GIMAP1: variants seen among roughly 807,000 people sequenced by gnomAD.
GIMAP1 encodes GTPase, IMAP family member 1.
For synonymous variants in GIMAP1, 230 were observed against 187.7 expected, an observed-to-expected ratio of 1.23 and a Z score of -1.84; for missense variants, 423 against 411.9, an observed-to-expected ratio of 1.03 and a Z score of -0.23.
chr7:150,723,981 T>C lies in GIMAP1; in HGVS notation c.*3056T>C, dbSNP rs1797344448. The C allele has an allele frequency of 6.6e-6, 1 of 152,196 alleles. No individual in the cohort carries two copies. Among genetic ancestry groups the C allele is most frequent in the Non-Finnish European group, 1.5e-5 (1 of 68,036 alleles). 9.4% of individuals were successfully genotyped at this position (152,196 alleles called of 1,614,324 possible). Reference sequence around the variant, plus strand: ...GCTAGTGTTGGCCATGATGAACTTTTAGAGCAAAAGATTTCAGGCAGAGTA... The same window carrying C: ...GCTAGTGTTGGCCATGATGAACTTTCAGAGCAAAAGATTTCAGGCAGAGTA... On this transcript the variant is annotated 3_prime_UTR_variant, in exon 3 of 3. Coordinates refer to ENST00000307194, the MANE Select transcript of GIMAP1 (RefSeq NM_130759.4).
In GIMAP1 at chr7:150,720,030, T is replaced by C. The variant is rs752301396; in HGVS notation, c.44-18T>C. The stretch of plus-strand genomic sequence containing the variant: ...AGTTGGTTAAACTTAAGTAAGATTA[T>C]AACACTTGGTCTCACAGGTTTAGAA... On this transcript the variant is annotated intron_variant, in intron 2 of 2. Coordinates refer to ENST00000307194, the MANE Select transcript of GIMAP1 (RefSeq NM_130759.4). This position sits in a 1 kb window ranked among gnomAD's most constrained non-coding sequence, Gnocchi z 4.5. The C allele has an allele frequency of 3.2e-6, 5 of 1,546,948 alleles. No homozygotes were observed. Among genetic ancestry groups the C allele is most frequent in the Non-Finnish European group, 3.5e-6 (4 of 1,145,554 alleles).
Position 150,720,517 on chromosome 7 carries a change from C to A in GIMAP1, c.513C>A (p.Asn171Lys), listed in dbSNP as rs1797282831. The A allele has an allele frequency of 1.2e-6, 2 of 1,600,968 alleles. No homozygotes were observed. Among genetic ancestry groups the A allele is most frequent in the Non-Finnish European group, 1.7e-6 (2 of 1,173,722 alleles). ...SLHDYVSNTE[N>K]RALRELVAEC... ...ACGATTACGTGAGCAACACAGAGAA[C>A]CGGGCCTTGCGCGAGCTGGTGGCCG... Residue 171 changes from asparagine (N) to lysine (K), a missense_variant, in exon 3 of 3, where the codon AAC becomes AAA. By Grantham distance (94) the Asn-to-Lys change is moderately conservative. Coordinates refer to ENST00000307194, the MANE Select transcript of GIMAP1 (RefSeq NM_130759.4). The surrounding 1 kb of genome is among the most constrained non-coding windows in gnomAD (Gnocchi z 4.5).
At chr7:150,719,021 T>C in intron 1 of GIMAP1, 21 bp from the exon 2 acceptor site, 1 of 1,614,056 alleles carries the variant, frequency 6.2e-7, no homozygotes, top group African/African-American at 1.3e-5. Flanking sequence ...AATTAACAAA[T>C]TGTGTTTGGG....
intron 2 of GIMAP1, chr7:150,719,325 C>A: frequency 1.8e-6 from 1 of 549,412 alleles, no homozygotes; most frequent in South Asian, 2.6e-5. Context: ...GGATAATAAA[C>A]CTACTCCGAT....
Position 150,719,380 on chromosome 7 carries a change from G to A in GIMAP1, c.43+290G>A, listed in dbSNP as rs116346647. On this transcript the variant is annotated intron_variant, in intron 2 of 2. Coordinates refer to ENST00000307194, the MANE Select transcript of GIMAP1 (RefSeq NM_130759.4). ...AGGGGATTAAATCATGCACTACAGT[G>A]AACATGATTTGTGAGGTAGAATGTT... 1,170 of 377,612 alleles carry A rather than the reference G, an allele frequency of 3.1e-3. 11 individuals are homozygous for A. Among genetic ancestry groups the A allele is most frequent in the African/African-American group, 0.022 (1,103 of 49,054 alleles). The allele number at this position is 377,612 out of a possible 1,614,324, so 23.4% of individuals were successfully genotyped here.
Position 150,720,811 on chromosome 7 carries a change from G to T in GIMAP1, c.807G>T (p.Lys269Asn). The T allele has an allele frequency of 6.3e-7, 1 of 1,596,888 alleles. No homozygotes were observed. The highest frequency in any genetic ancestry group is 8.5e-7 in the Non-Finnish European group (1 of 1,173,206). ...CGGCCCGGCTGTGGAAGTGGCTGAA[G>T]TCCCCCAGGAGCTGGAGGCTGGGCC... ...WLSARLWKWLKSPRSWRLGLA... is the reference protein window; with the variant it reads ...WLSARLWKWLNSPRSWRLGLA... The change falls in exon 3 of 3, where the codon AAG (lysine) becomes AAT (asparagine). Residue 269 changes from lysine to asparagine, a missense_variant. Transcript: ENST00000307194. The surrounding 1 kb of genome is among the most constrained non-coding windows in gnomAD (Gnocchi z 4.5).
Position 150,720,764 on chromosome 7 carries a change from A to C in GIMAP1, c.760A>C (p.Arg254=), listed in dbSNP as rs764610467. The change falls in exon 3 of 3, where the codon AGG becomes CGG. Residue 254 remains arginine, a synonymous_variant. Transcript: ENST00000307194. The surrounding 1 kb of genome is among the most constrained non-coding windows in gnomAD (Gnocchi z 4.5). ...AERVAARVQR[R]PWGAWLSARL... ...GCGCGTGGCAGCCAGGGTGCAGAGG[A>C]GGCCATGGGGCGCCTGGCTGTCGGC... 2 of 1,571,006 alleles carry C rather than the reference A, an allele frequency of 1.3e-6. No individual in the cohort carries two copies. The highest frequency in any genetic ancestry group is 1.7e-6 in the Non-Finnish European group (2 of 1,158,804).
In GIMAP1 at chr7:150,720,651, A is replaced by G; in HGVS notation, c.647A>G (p.Lys216Arg). 6.2e-7 allele frequency: 1 copy of G among 1,609,956 alleles called. No homozygotes were observed. The highest frequency in any genetic ancestry group is 1.7e-5 in the Admixed American group (1 of 59,266). ...GTCGAGGGCTTGGTGCTGGAGCACA[A>G]GGGCGCCCATTACTCCAACGAGGTG... Reference protein sequence around the residue: ...GMVEGLVLEHKGAHYSNEVYE... With the variant: ...GMVEGLVLEHRGAHYSNEVYE... The change falls in exon 3 of 3, where the codon AAG (lysine) becomes AGG (arginine). Residue 216 changes from lysine (K) to arginine (R), a missense_variant. By Grantham distance (26) the Lys-to-Arg change is conservative (BLOSUM62 2). Transcript: ENST00000307194. This position sits in a 1 kb window ranked among gnomAD's most constrained non-coding sequence, Gnocchi z 4.5.
rs1300123919 is a variant in GIMAP1, at chr7:150,720,403, G to A, written c.399G>A (p.Arg133=). The change falls in exon 3 of 3, where the codon AGG becomes AGA. Residue 133 remains arginine, a synonymous_variant. Transcript: ENST00000307194. This position sits in a 1 kb window ranked among gnomAD's most constrained non-coding sequence, Gnocchi z 4.5. ...CCGCCCAGGACCAGCAGGCGGTGAGGCAGGTGAGGGACATGTTCGGGGAGG... is the reference window on the plus strand; with the variant it reads ...CCGCCCAGGACCAGCAGGCGGTGAGACAGGTGAGGGACATGTTCGGGGAGG... ...RFTAQDQQAV[R]QVRDMFGEDV... 6.3e-7 allele frequency: 1 copy of A among 1,588,658 alleles called. No homozygotes were observed. Among genetic ancestry groups the A allele is most frequent in the East Asian group, 2.2e-5 (1 of 44,554 alleles).
chr7:150,720,994 C>G lies in GIMAP1; in HGVS notation c.*69C>G. 1 of 1,364,178 alleles carries G rather than the reference C, an allele frequency of 7.3e-7. No individual in the cohort carries two copies. Among genetic ancestry groups the G allele is most frequent in the Non-Finnish European group, 9.7e-7 (1 of 1,033,746 alleles). The allele number at this position is 1,364,178 out of a possible 1,614,324, so 84.5% of individuals were successfully genotyped here. A position where few individuals can be genotyped will look rare whatever the true frequency, so the allele number is the denominator to read the frequency against. On this transcript the variant is annotated 3_prime_UTR_variant, in exon 3 of 3. Transcript: ENST00000307194. This position sits in a 1 kb window ranked among gnomAD's most constrained non-coding sequence, Gnocchi z 4.5. ...TGAATTCTTGGAGCTGAAGGGAAAA[C>G]TTCATTCCAACGGAAGGAATCCTGT...
At chr7:150,717,469 A>T (rs1797233925) in intron 1 of GIMAP1, among the ~76,000 whole-genome samples, 1 of 152,198 alleles carries the variant, frequency 6.6e-6, no homozygotes, top group Non-Finnish European at 1.5e-5. Context: ...GCGGTCTCTT[A>T]AAGTGTTAGG....
In GIMAP1 at chr7:150,720,464, AAGG is replaced by A; in HGVS notation, c.465_467del (p.Glu155del). Reference sequence around the variant, plus strand: ...ATGGATGGTCATCGTCTTCACCAGGAAGGAGGACCTGGCCGGGGGCTCCCTGCA... The same window carrying A: ...ATGGATGGTCATCGTCTTCACCAGGAAGGACCTGGCCGGGGGCTCCCTGCA... On this transcript the variant is annotated inframe_deletion, in exon 3 of 3. Transcript: ENST00000307194. The surrounding 1 kb of genome is among the most constrained non-coding windows in gnomAD (Gnocchi z 4.5). 6.4e-7 allele frequency: 1 copy of A among 1,572,154 alleles called. No homozygotes were observed.
chr7:150,723,153 GTT>G lies in GIMAP1; in HGVS notation c.*2231_*2232del, dbSNP rs1308722528. On this transcript the variant is annotated 3_prime_UTR_variant, in exon 3 of 3. Transcript: ENST00000307194. ...ATAATGTATTATTAAAGAAGTTACA[GTT>G]TTCCTTTACATTCAATAACATTTCT... 6.6e-6 allele frequency: 1 copy of G among 152,048 alleles called. No homozygotes were observed. Among genetic ancestry groups the G allele is most frequent in the Non-Finnish European group, 1.5e-5 (1 of 68,008 alleles). 9.4% of individuals were successfully genotyped at this position (152,048 alleles called of 1,614,324 possible). A position where few individuals can be genotyped will look rare whatever the true frequency, so the allele number is the denominator to read the frequency against.
In GIMAP1 at chr7:150,723,569, CT is replaced by C. The variant is rs900619189; in HGVS notation, c.*2651del. On this transcript the variant is annotated 3_prime_UTR_variant, in exon 3 of 3. Transcript: ENST00000307194. ...CATTCACCATTCCCTTCGGTAAAGT[CT>C]TTTTTTAGGCTGTGGCTTAAAGGTT... 6.6e-6 allele frequency: 1 copy of C among 152,174 alleles called. No individual in the cohort carries two copies. The highest frequency in any genetic ancestry group is 1.9e-4 in the East Asian group (1 of 5,186). The allele number at this position is 152,174 out of a possible 1,614,324, so 9.4% of individuals were successfully genotyped here. A position where few individuals can be genotyped will look rare whatever the true frequency, so the allele number is the denominator to read the frequency against.
In GIMAP1 at chr7:150,723,198, C is replaced by G. The variant is rs1474818914; in HGVS notation, c.*2273C>G. On this transcript the variant is annotated 3_prime_UTR_variant, in exon 3 of 3. Coordinates refer to ENST00000307194, the MANE Select transcript of GIMAP1 (RefSeq NM_130759.4). The stretch of plus-strand genomic sequence containing the variant: ...ACATTTCTTTAGTGGTTTTCTTTTT[C>G]AGATACTTTGATTATGATCTTTTTT... 6.6e-6 allele frequency: 1 copy of G among 152,068 alleles called. No individual in the cohort carries two copies. The highest frequency in any genetic ancestry group is 1.5e-5 in the Non-Finnish European group (1 of 68,000). 9.4% of individuals were successfully genotyped at this position (152,068 alleles called of 1,614,324 possible). A position where few individuals can be genotyped will look rare whatever the true frequency, so the allele number is the denominator to read the frequency against.
At position 150,720,699 on chromosome 7, in the gene GIMAP1, G is replaced by A. The variant is rs755832246; in HGVS notation, c.695G>A (p.Arg232His). Residue 232 changes from arginine to histidine, a missense_variant, in exon 3 of 3, where the codon CGC (arginine) becomes CAC (histidine). Transcript: ENST00000307194. This position sits in a 1 kb window ranked among gnomAD's most constrained non-coding sequence, Gnocchi z 4.5. ...NEVYELAQVLRWAGPEERLRR... is the reference protein window; with the variant it reads ...NEVYELAQVLHWAGPEERLRR... ...GTGTATGAGCTGGCGCAGGTGCTGC[G>A]CTGGGCAGGCCCTGAGGAGCGGCTC... 1.3e-6 allele frequency: 2 copies of A among 1,585,256 alleles called. No homozygotes were observed. Among genetic ancestry groups the A allele is most frequent in the Admixed American group, 3.6e-5 (2 of 54,988 alleles).
Position 150,720,634 on chromosome 7 carries a change from C to CTTGGTG in GIMAP1, c.631_636dup (p.Val212_Leu213dup). 1 of 1,612,542 alleles carries CTTGGTG rather than the reference C, an allele frequency of 6.2e-7. No individual in the cohort carries two copies. Among genetic ancestry groups the CTTGGTG allele is most frequent in the East Asian group, 2.2e-5 (1 of 44,856 alleles). ...AGCAGCTGCTGGGGATGGTCGAGGG[C>CTTGGTG]TTGGTGCTGGAGCACAAGGGCGCCC... On this transcript the variant is annotated inframe_insertion, in exon 3 of 3. Transcript: ENST00000307194. The surrounding 1 kb of genome is among the most constrained non-coding windows in gnomAD (Gnocchi z 4.5).
At chr7:150,719,227 C>T in intron 2 of GIMAP1, 137 bp downstream of exon 2, 8 of 1,062,900 alleles carry the variant, frequency 7.5e-6, no homozygotes, top group Non-Finnish European at 1.1e-5. Context: ...CAGCACCAGC[C>T]CTGAGATCTG....
Position 150,720,796 on chromosome 7 carries a change from G to T in GIMAP1, c.792G>T (p.Leu264=). 1 of 1,590,274 alleles carries T rather than the reference G, an allele frequency of 6.3e-7. No individual in the cohort carries two copies. The highest frequency in any genetic ancestry group is 8.6e-7 in the Non-Finnish European group (1 of 1,169,530). Residue 264 remains leucine, a synonymous_variant, in exon 3 of 3, where the codon CTG becomes CTT. Transcript: ENST00000307194. This position sits in a 1 kb window ranked among gnomAD's most constrained non-coding sequence, Gnocchi z 4.5. ...GGGGCGCCTGGCTGTCGGCCCGGCTGTGGAAGTGGCTGAAGTCCCCCAGGA... is the reference window on the plus strand; with the variant it reads ...GGGGCGCCTGGCTGTCGGCCCGGCTTTGGAAGTGGCTGAAGTCCCCCAGGA... ...RPWGAWLSAR[L]WKWLKSPRSW...
Sources: gnomAD v4.1 joint callset for allele counts (sites outside exome capture counted in the v4.1 genomes callset) on GRCh38, gnomAD v4.1.1 for gene constraint, Gnocchi (gnomAD v3.1) non-coding constraint, MANE v1.5 for transcripts, NCBI Gene and HGNC (gene_info 2026-07-23, HGNC 2026-07-21) for gene names.